Variants in KCNA3 observed in about 807,000 individuals in gnomAD.
The protein encoded by KCNA3 is RP11-284N8.3.
Under a neutral mutation model 34.3 loss-of-function variants are expected in KCNA3, and 18 were observed. The ratio of observed to expected loss-of-function variants is 0.52; its 90% confidence interval spans 0.36 to 0.78. KCNA3 has a LOEUF of 0.78. Among genes scored for constraint, KCNA3 ranks in the 30% least tolerant of loss-of-function variants. The pLI is 0.00. For synonymous variants in KCNA3, 324 were observed against 351.7 expected (o/e 0.92, Z 0.88); for missense variants, 587 against 802.5 (o/e 0.73, Z 3.24).
the KCNA3 span, chr1:110,653,896 ATGCT>A: frequency 4.9e-4 from 75 of 152,344 alleles, 1 homozygote; most frequent in Admixed American, 3.3e-3. Flanking sequence ...CATAAAAATA[ATGCT>A]TGCTTATTTG....
At position 110,674,695 on chromosome 1, in the gene KCNA3, C is replaced by A. The variant is rs765528871; in HGVS notation, c.115G>T (p.Gly39Cys). The change falls in exon 1 of 1, where the codon GGC becomes TGC. Residue 39 changes from glycine to cysteine, a missense_variant. Physicochemically the swap from Gly to Cys is radical, Grantham distance 159. Transcript: ENST00000369769. This position sits in a 1 kb window ranked among gnomAD's most constrained non-coding sequence, Gnocchi z 6.4. ...CGGCCTGCGGCGGGCTCCGCGTAGC[C>A]GTGGTTCACCAGCGTGTGGGCACCG... The part of the protein sequence containing the change: ...SGGAHTLVNH[G>C]YAEPAAGREL... 8 of 1,497,828 alleles carry A rather than the reference C, an allele frequency of 5.3e-6. No homozygotes were observed. In the Admixed American group the frequency reaches 1.3e-4, roughly 25 times the overall value. 92.8% of individuals were successfully genotyped at this position (1,497,828 alleles called of 1,614,324 possible).
chr1:110,654,802 T>C, the KCNA3 span: 1 of 152,168 alleles, frequency 6.6e-6, no homozygotes, highest in Non-Finnish European at 1.5e-5. Flanking sequence ...GTGAATAGTA[T>C]AAAGAACATA....
At chr1:110,655,804 C>T in the KCNA3 span, 1 of 152,102 alleles carries the variant, frequency 6.6e-6, no homozygotes, top group Non-Finnish European at 1.5e-5. Context: ...ATTTTAGTAT[C>T]ATTCTAATAT....
the KCNA3 span, among the ~76,000 whole-genome samples, chr1:110,664,130 T>C: frequency 1.0e-3 from 154 of 152,326 alleles, no homozygotes; most frequent in Non-Finnish European, 1.5e-3. Flanking sequence ...ACTGAACTTA[T>C]AGGGAAGTTT....
At chr1:110,668,520 C>T (rs1469564562), downstream of KCNA3, among the ~76,000 whole-genome samples, 1 of 152,032 alleles carries the variant, frequency 6.6e-6, no homozygotes, top group Non-Finnish European at 1.5e-5. Context: ...TGCCAACAAA[C>T]CATAACTTTA....
At chr1:110,671,210 T>A (rs936771934), downstream of KCNA3, among the ~76,000 whole-genome samples, 12 of 152,240 alleles carry the variant, frequency 7.9e-5, no homozygotes, top group African/African-American at 1.2e-4. Flanking sequence ...AGGAACGGAA[T>A]AATTTTCAGT....
At chr1:110,659,733 C>T in the KCNA3 span, among the ~76,000 whole-genome samples, 1 of 152,156 alleles carries the variant, frequency 6.6e-6, no homozygotes, top group Non-Finnish European at 1.5e-5. Flanking sequence ...GGCATATATA[C>T]ACCATGGAAT....
chr1:110,655,006 CTA>C, the KCNA3 span: 2 of 152,020 alleles, frequency 1.3e-5, no homozygotes, highest in Admixed American at 6.6e-5. Context: ...ACGCTAGACT[CTA>C]TAAAAAAATT....
chr1:110,653,754 T>C, the KCNA3 span: 1 of 152,190 alleles, frequency 6.6e-6, no homozygotes, highest in Non-Finnish European at 1.5e-5. Context: ...ATAAAGCTTA[T>C]TTCAACTTAA....
the KCNA3 span, among the ~76,000 whole-genome samples, chr1:110,665,814 C>T: frequency 6.6e-6 from 1 of 152,098 alleles, no homozygotes; most frequent in Admixed American, 6.5e-5. Flanking sequence ...GAAGAGGTAG[C>T]TGACCATACC....
the KCNA3 span, among the ~76,000 whole-genome samples, chr1:110,661,663 C>A: frequency 6.6e-6 from 1 of 151,856 alleles, no homozygotes; most frequent in Non-Finnish European, 1.5e-5. Context: ...AACGGTGGGC[C>A]TTAAAAAACA....
At chr1:110,666,816 T>C in the KCNA3 span, among the ~76,000 whole-genome samples, 4 of 152,272 alleles carry the variant, frequency 2.6e-5, no homozygotes, top group Middle Eastern at 3.4e-3. Context: ...TGGTGATAGG[T>C]TGAGTATATT....
the KCNA3 span, among the ~76,000 whole-genome samples, chr1:110,660,529 A>G: frequency 6.6e-6 from 1 of 152,152 alleles, no homozygotes; most frequent in Non-Finnish European, 1.5e-5. Context: ...AGAGAGAGAG[A>G]CAAGACACCA....
the KCNA3 span, among the ~76,000 whole-genome samples, chr1:110,666,431 A>G: frequency 1.3e-5 from 2 of 152,188 alleles, no homozygotes; most frequent in African/African-American, 4.8e-5. Flanking sequence ...TGTAACTGGA[A>G]GAAGACCAGG....
the KCNA3 span, among the ~76,000 whole-genome samples, chr1:110,664,151 C>T: frequency 1.3e-5 from 2 of 152,142 alleles, no homozygotes; most frequent in Admixed American, 6.5e-5. Context: ...CTTAGAATGT[C>T]TGCTAGATAG....
At chr1:110,654,887 T>C in the KCNA3 span, 1 of 152,132 alleles carries the variant, frequency 6.6e-6, no homozygotes, top group Admixed American at 6.5e-5. Flanking sequence ...GGTTGTTTAA[T>C]CTCTAAACTT....
At position 110,673,306 on chromosome 1, in the gene KCNA3, C is replaced by A; in HGVS notation, c.1504G>T (p.Val502Leu). ...GAGGAGAGGTGCTGGCAACTTCCCA[C>A]GTGCATGTACTGGGATTGCTCTTCC... ...EGEEQSQYMH[V>L]GSCQHLSSSA... Residue 502 changes from valine (V) to leucine (L), a missense_variant, in exon 1 of 1, where the codon GTG becomes TTG. By Grantham distance (32) the Val-to-Leu change is conservative. Transcript: ENST00000369769. This position sits in a 1 kb window ranked among gnomAD's most constrained non-coding sequence, Gnocchi z 8.8. The A allele has an allele frequency of 6.8e-6, 11 of 1,613,914 alleles. No individual in the cohort carries two copies. Among genetic ancestry groups the A allele is most frequent in the Non-Finnish European group, 9.3e-6 (11 of 1,179,982 alleles).
downstream of KCNA3, among the ~76,000 whole-genome samples, chr1:110,667,862 GAAT>G (rs1651738378): frequency 6.6e-6 from 1 of 152,110 alleles, no homozygotes; most frequent in Non-Finnish European, 1.5e-5. Flanking sequence ...CTTGCAAACT[GAAT>G]ATGAGTACAT....
the KCNA3 span, chr1:110,654,626 CCT>C: frequency 6.6e-6 from 1 of 152,022 alleles, no homozygotes; most frequent in Non-Finnish European, 1.5e-5. Context: ...TGAATATCAC[CCT>C]GTGGAAGGGC....
Sources: allele counts gnomAD v4.1 joint callset (sites outside exome capture counted in the v4.1 genomes callset), GRCh38; gene constraint gnomAD v4.1.1; non-coding constraint Gnocchi (gnomAD v3.1); transcripts MANE v1.5; gene names NCBI Gene and HGNC (gene_info 2026-07-23, HGNC 2026-07-21).